CRACR2A: variants seen among roughly 807,000 people sequenced by gnomAD.
The protein encoded by CRACR2A is EF-hand calcium-binding domain-containing protein 4B.
Under a neutral mutation model 90.5 loss-of-function variants are expected in CRACR2A, and 79 were observed. That is an observed-to-expected ratio of 0.87 (90% confidence interval 0.73 to 1.05). The LOEUF (loss-of-function observed/expected upper bound fraction) is 1.05, where lower values mean the gene tolerates loss of function less well. Among genes scored for constraint, CRACR2A ranks in the 50% least tolerant of loss-of-function variants. CRACR2A has a pLI of 0.00. For missense variants in CRACR2A, 823 were observed against 897.2 expected, an observed-to-expected ratio of 0.92 and a Z score of 1.06; for synonymous variants, 338 against 356.7, an observed-to-expected ratio of 0.95 and a Z score of 0.59.
rs148897271 is a variant in CRACR2A at position 3,696,985 on chromosome 12, G to A, written c.15C>T (p.Asp5=). 1.2e-4 allele frequency: 198 copies of A among 1,612,272 alleles called. 3 individuals are homozygous for A. In the South Asian group the frequency reaches 1.7e-3, roughly 14 times the overall value. The change falls in exon 4 of 20, where the codon GAC becomes GAT. Residue 5 remains aspartate (D), a synonymous_variant. Coordinates refer to ENST00000440314, the MANE Select transcript of CRACR2A (RefSeq NM_001144958.2). ...TCTGGGGTCTGGAGACTACCCTCCCGTCAGGGGCAGCCATCGCGATTAGTC... is the reference window on the plus strand; with the variant it reads ...TCTGGGGTCTGGAGACTACCCTCCCATCAGGGGCAGCCATCGCGATTAGTC... The part of the protein sequence containing the change: MAAP[D]GRVVSRPQRL...
intron 4 of CRACR2A, among the ~76,000 whole-genome samples, chr12:3,692,198 C>T (rs1945658620): frequency 6.6e-6 from 1 of 152,200 alleles, no homozygotes; most frequent in African/African-American, 2.4e-5. Flanking sequence ...AGAGGTAGTG[C>T]TATTGAAGGC....
chr12:3,731,596 C>CTG (rs1394120626), intron 2 of CRACR2A: 1 of 152,256 alleles, frequency 6.6e-6, no homozygotes, highest in East Asian at 1.9e-4. Context: ...AGTCTTGTCA[C>CTG]TGTGAATGAG....
Position 3,638,225 on chromosome 12 carries a change from A to G in CRACR2A, c.1501T>C (p.Ser501Pro). The G allele has an allele frequency of 6.4e-7, 1 of 1,551,682 alleles. No individual in the cohort carries two copies. Among genetic ancestry groups the G allele is most frequent in the Non-Finnish European group, 8.7e-7 (1 of 1,146,990 alleles). Reference protein sequence around the residue: ...LSKCSEEEEVSDQGVQGQIPE... With the variant: ...LSKCSEEEEVPDQGVQGQIPE... ...ATTTGTCCCTGTACCCCCTGGTCAG[A>G]GACCTCTTCCTCTTCTGAGCATTTG... Residue 501 changes from serine to proline, a missense_variant, in exon 14 of 20, where the codon TCT (serine) becomes CCT (proline). Physicochemically the swap from Ser to Pro is moderately conservative, Grantham distance 74. Transcript: ENST00000440314.
At chr12:3,714,247 A>G (rs905891102) in intron 2 of CRACR2A, among the ~76,000 whole-genome samples, 1 of 152,268 alleles carries the variant, frequency 6.6e-6, no homozygotes. Context: ...AGGCAGCAAC[A>G]GGCAAATCCA....
At chr12:3,667,351 T>C (rs1200221752) in intron 7 of CRACR2A, among the ~76,000 whole-genome samples, 3 of 152,178 alleles carry the variant, frequency 2.0e-5, no homozygotes, top group Non-Finnish European at 2.9e-5. Context: ...GCATTTAGAA[T>C]TGTCAGTCTT....
At chr12:3,637,036 G>A (rs1034015425) in intron 14 of CRACR2A, among the ~76,000 whole-genome samples, 22 of 152,322 alleles carry the variant, frequency 1.4e-4, no homozygotes, top group African/African-American at 5.3e-4. Context: ...CTATTCCGAG[G>A]CCTGGGTCCC....
chr12:3,729,567 G>A (rs1238239716), intron 2 of CRACR2A: 1 of 152,238 alleles, frequency 6.6e-6, no homozygotes, highest in Non-Finnish European at 1.5e-5. Flanking sequence ...GCTGGATGTG[G>A]TGGTGTGCAC....
intron 2 of CRACR2A, among the ~76,000 whole-genome samples, chr12:3,722,611 A>G (rs1220478336): frequency 1.3e-5 from 2 of 152,168 alleles, no homozygotes; most frequent in Admixed American, 6.5e-5. Flanking sequence ...CATCAGGCAC[A>G]TTTATCATTT....
intron 3 of CRACR2A, among the ~76,000 whole-genome samples, chr12:3,709,366 G>A (rs1309704197): frequency 2.0e-5 from 3 of 152,174 alleles, no homozygotes; most frequent in African/African-American, 7.2e-5. Flanking sequence ...CTTTAAATCT[G>A]CTTTGCATTA....
At chr12:3,640,492 G>C (rs1325557051) in intron 13 of CRACR2A, 1 of 1,194,682 alleles carries the variant, frequency 8.4e-7, no homozygotes, top group African/African-American at 1.6e-5. Context: ...GTACACAGTA[G>C]GTAATCAGTA....
chr12:3,736,079 C>T (rs529613926), intron 1 of CRACR2A, among the ~76,000 whole-genome samples: 5 of 152,060 alleles, frequency 3.3e-5, no homozygotes, highest in Non-Finnish European at 5.9e-5. Context: ...AGGGAGGTGG[C>T]TTGATTGGGC....
At position 3,746,918 on chromosome 12, in the gene CRACR2A, T is replaced by C. The variant is rs2137923758; in HGVS notation, c.-387+6097A>G. 6.6e-6 allele frequency among the ~76,000 whole-genome samples: 1 copy of C among 152,370 alleles called. No homozygotes were observed. Among genetic ancestry groups the C allele is most frequent in the Non-Finnish European group, 1.5e-5 (1 of 68,028 alleles). On this transcript the variant is annotated intron_variant, in intron 1 of 19. Transcript: ENST00000440314. The surrounding 1 kb of genome is among the most constrained non-coding windows in gnomAD (Gnocchi z 4.4). ...GCTCTCAAAACAGGTAATGTCACCA[T>C]GACCCATGGGATCACATGTGCGTGG... is the stretch of plus-strand genomic sequence containing the variant.
At position 3,633,739 on chromosome 12, in the gene CRACR2A, G is replaced by A. The variant is rs1433857270; in HGVS notation, c.1603-3C>T. ...GGGGCAGAGGGAGAGCTTTCCTCCT[G>A]TGGATGGCACACAATCTGACCAACT... On this transcript the variant is annotated splice_polypyrimidine_tract_variant and splice_region_variant and intron_variant, in intron 14 of 19. Coordinates refer to ENST00000440314, the MANE Select transcript of CRACR2A (RefSeq NM_001144958.2). The surrounding 1 kb of genome is among the most constrained non-coding windows in gnomAD (Gnocchi z 4.5). The A allele has an allele frequency of 1.3e-6, 2 of 1,551,614 alleles. No individual in the cohort carries two copies. Among genetic ancestry groups the A allele is most frequent in the South Asian group, 1.2e-5 (1 of 84,062 alleles).
rs1003619108 is a variant in CRACR2A, at chr12:3,633,863, C to T, written c.1603-127G>A. On this transcript the variant is annotated intron_variant, in intron 14 of 19. Transcript: ENST00000440314. The surrounding 1 kb of genome is among the most constrained non-coding windows in gnomAD (Gnocchi z 4.5). ...AGGTGCAGACCGGCCTCTAGACCTGCACCAGGAGGCTGCCACAGCCTCAGA... is the reference window on the plus strand; with the variant it reads ...AGGTGCAGACCGGCCTCTAGACCTGTACCAGGAGGCTGCCACAGCCTCAGA... 5 of 1,281,136 alleles carry T rather than the reference C, an allele frequency of 3.9e-6. No homozygotes were observed. The Admixed American group carries it at 9.4e-5, about 24-fold the overall frequency. The allele number at this position is 1,281,136 out of a possible 1,614,324, so 79.4% of individuals were successfully genotyped here.
chr12:3,629,910 G>A (rs187079079), intron 15 of CRACR2A, among the ~76,000 whole-genome samples: 6 of 152,138 alleles, frequency 3.9e-5, no homozygotes, highest in East Asian at 1.9e-4. Flanking sequence ...CAAGTCCAAC[G>A]GGATAGACAA....
chr12:3,745,330 C>T (rs988351436), intron 1 of CRACR2A, among the ~76,000 whole-genome samples: 6 of 152,150 alleles, frequency 3.9e-5, no homozygotes, highest in African/African-American at 1.4e-4. Flanking sequence ...ATTCAGATGA[C>T]ACTACCCACA....
chr12:3,644,620 C>A lies in CRACR2A; in HGVS notation c.1139G>T (p.Arg380Leu), dbSNP rs1244122157. Reference protein sequence around the residue: ...DFLRERNKHLRDERDICFQKN... With the variant: ...DFLRERNKHLLDERDICFQKN... ...CTGAAAACATATGTCCCGTTCATCC[C>A]GAAGGTGCTTGTTCCTTTCCCTGTG... The change falls in exon 12 of 20, where the codon CGG becomes CTG. Residue 380 changes from arginine (R) to leucine (L), a missense_variant. Arg to Leu is a moderately radical substitution (Grantham distance 102). Coordinates refer to ENST00000440314, the MANE Select transcript of CRACR2A (RefSeq NM_001144958.2). 1.3e-6 allele frequency: 2 copies of A among 1,551,574 alleles called. No individual in the cohort carries two copies.
chr12:3,645,950 G>C (rs1159539855), intron 11 of CRACR2A, among the ~76,000 whole-genome samples: 1 of 152,184 alleles, frequency 6.6e-6, no homozygotes, highest in Non-Finnish European at 1.5e-5. Flanking sequence ...GAGGAGCCAG[G>C]AAGGGACAGG....
At chr12:3,734,843 C>T (rs75485439) in intron 1 of CRACR2A, among the ~76,000 whole-genome samples, 21,894 of 151,898 alleles carry the variant, frequency 0.14, 1,725 homozygotes, top group Middle Eastern at 0.17. Context: ...GAGGGCAGAA[C>T]GGTGGTTGCA....
Sources: allele counts gnomAD v4.1 joint callset (sites outside exome capture counted in the v4.1 genomes callset), GRCh38; gene constraint gnomAD v4.1.1; non-coding constraint Gnocchi (gnomAD v3.1); transcripts MANE v1.5; gene names NCBI Gene and HGNC (gene_info 2026-07-23, HGNC 2026-07-21).